Variants in FRMPD4 observed in about 807,000 individuals in gnomAD.
FRMPD4 encodes FERM and PDZ domain-containing protein 4.
In FRMPD4, 22 loss-of-function variants were observed where a neutral mutation model predicts 94.1. The observed-to-expected ratio is 0.23, with a 90% CI of 0.17 to 0.33. The LOEUF is 0.33. FRMPD4 is among the 10% of genes least tolerant of loss of function. The pLI is 1.00. For synonymous variants in FRMPD4, 631 were observed against 548.6 expected, an observed-to-expected ratio of 1.15 and a Z score of -2.10; for missense variants, 1,111 against 1,339.9, an observed-to-expected ratio of 0.83 and a Z score of 2.67.
chrX:12,298,478 T>A (rs1360632636), intron 1 of FRMPD4, among the ~76,000 whole-genome samples: 1 of 112,374 alleles, frequency 8.9e-6, no homozygotes, highest in Non-Finnish European at 1.9e-5. Flanking sequence ...CTAATAACTA[T>A]GTTGGGAAGT....
At chrX:12,237,642 C>T (rs2057085231) in intron 1 of FRMPD4, among the ~76,000 whole-genome samples, 1 of 111,936 alleles carries the variant, frequency 8.9e-6, no homozygotes, top group Non-Finnish European at 1.9e-5. Flanking sequence ...ACTCCTTTCT[C>T]TTTGATATTT....
intron 3 of FRMPD4, among the ~76,000 whole-genome samples, chrX:12,066,218 A>G (rs968822648): frequency 1.8e-5 from 2 of 112,157 alleles, no homozygotes; most frequent in African/African-American, 3.2e-5. Flanking sequence ...TAGGATGTCT[A>G]TTCAAGTCAT....
chrX:12,178,395 A>C (rs2056320021), intron 1 of FRMPD4, among the ~76,000 whole-genome samples: 1 of 112,199 alleles, frequency 8.9e-6, no homozygotes, highest in African/African-American at 3.2e-5. Context: ...CTTGCCCAGC[A>C]TTCAGGTCAT....
intron 1 of FRMPD4, among the ~76,000 whole-genome samples, chrX:12,371,710 A>T (rs2056165737): frequency 8.9e-6 from 1 of 111,832 alleles, no homozygotes; most frequent in African/African-American, 3.3e-5. Context: ...TGGCTGACAC[A>T]TGAGATTAAT....
At chrX:12,375,994 A>G (rs950820565) in intron 1 of FRMPD4, among the ~76,000 whole-genome samples, 8 of 111,979 alleles carry the variant, frequency 7.1e-5, no homozygotes, top group African/African-American at 2.6e-4. Context: ...GAAATGGGGA[A>G]ATGCATCCTG....
intron 2 of FRMPD4, among the ~76,000 whole-genome samples, chrX:12,545,925 AG>A (rs2058470052): frequency 8.9e-6 from 1 of 112,721 alleles, no homozygotes; most frequent in African/African-American, 3.2e-5. Context: ...TCTAATTATC[AG>A]TCAGTCAGTG....
chrX:12,545,026 G>T (rs1263075756), intron 2 of FRMPD4, among the ~76,000 whole-genome samples: 1 of 111,215 alleles, frequency 9.0e-6, no homozygotes, highest in Non-Finnish European at 1.9e-5. Context: ...AGATTGTCAG[G>T]CCCCACCCTG....
intron 3 of FRMPD4, among the ~76,000 whole-genome samples, chrX:12,130,115 AG>A (rs1209652326): frequency 9.2e-6 from 1 of 108,549 alleles, no homozygotes; most frequent in African/African-American, 3.3e-5. Flanking sequence ...AGAGAGAGAG[AG>A]AGAGAGAGAG....
At chrX:12,247,409 C>T (rs1378570998) in intron 1 of FRMPD4, among the ~76,000 whole-genome samples, 1 of 111,471 alleles carries the variant, frequency 9.0e-6, no homozygotes, top group Non-Finnish European at 1.9e-5. Context: ...CTCGGGAGTG[C>T]CCGAGCTCCA....
chrX:12,188,954 A>C (rs1313732775), intron 1 of FRMPD4, among the ~76,000 whole-genome samples: 1 of 112,050 alleles, frequency 8.9e-6, no homozygotes, highest in East Asian at 2.8e-4. Flanking sequence ...ATACCAGTGA[A>C]ATTGAAAACA....
chrX:12,111,510 G>A (rs2055361172), intron 3 of FRMPD4, among the ~76,000 whole-genome samples: 1 of 111,175 alleles, frequency 9.0e-6, no homozygotes, highest in Non-Finnish European at 1.9e-5. Flanking sequence ...ATAGGCATGG[G>A]CAAGGACTTC....
At chrX:12,584,789 A>G (rs1051105856) in intron 2 of FRMPD4, among the ~76,000 whole-genome samples, 1 of 112,375 alleles carries the variant, frequency 8.9e-6, no homozygotes, top group Non-Finnish European at 1.9e-5. Context: ...ATTTTAGTAT[A>G]CCCTATATTG....
intron 4 of FRMPD4, among the ~76,000 whole-genome samples, chrX:12,641,386 G>A (rs775211450): frequency 1.8e-5 from 2 of 111,389 alleles, no homozygotes; most frequent in African/African-American, 3.3e-5. Flanking sequence ...CTGGGCTCAC[G>A]TTCCCCCTCC....
intron 1 of FRMPD4, among the ~76,000 whole-genome samples, chrX:12,492,088 TACAAA>T (rs1197334489): frequency 2.7e-5 from 3 of 111,890 alleles, no homozygotes; most frequent in Non-Finnish European, 5.6e-5. Flanking sequence ...AAATGCACAG[TACAAA>T]ATTCAAATGT....
intron 2 of FRMPD4, among the ~76,000 whole-genome samples, chrX:12,514,348 G>C (rs1289215120): frequency 8.9e-6 from 1 of 111,840 alleles, no homozygotes; most frequent in African/African-American, 3.3e-5. Flanking sequence ...GATATTGGCT[G>C]TAGGTTTGTC....
At chrX:12,518,821 G>A (rs901508379) in intron 2 of FRMPD4, among the ~76,000 whole-genome samples, 18 of 104,725 alleles carry the variant, frequency 1.7e-4, no homozygotes, top group East Asian at 5.6e-4. Context: ...TTACGTGCGC[G>A]CGTGCACACA....
At chrX:12,025,231 T>C (rs1271086480) in intron 3 of FRMPD4, among the ~76,000 whole-genome samples, 1 of 109,257 alleles carries the variant, frequency 9.2e-6, no homozygotes, top group African/African-American at 3.3e-5. Flanking sequence ...TCCTGGAAGA[T>C]CTCACTTATT....
Position 12,166,548 on chromosome X carries a change from G to C in FRMPD4, c.41+27536G>C, listed in dbSNP as rs2056122104. On this transcript the variant is annotated intron_variant, in intron 1 of 16. Transcript: ENST00000675598. ...GTGTCTCTGCCAGGCTTTGGTATCA[G>C]GATGATGCTGGCCTCATAAAATGAA... Among the ~76,000 whole-genome samples the C allele has an allele frequency of 2.7e-5, 3 of 111,505 alleles. No homozygotes were observed. In the South Asian group the frequency reaches 1.1e-3, roughly 42 times the overall value.
chrX:12,662,751 G>C (rs1161075000), intron 4 of FRMPD4, among the ~76,000 whole-genome samples: 2 of 111,883 alleles, frequency 1.8e-5, no homozygotes, highest in African/African-American at 6.5e-5. Flanking sequence ...GGTATTTCTG[G>C]TTCCATATCC....
Sources: allele counts gnomAD v4.1 joint callset (sites outside exome capture counted in the v4.1 genomes callset), GRCh38; gene constraint gnomAD v4.1.1; transcripts MANE v1.5; gene names NCBI Gene and HGNC (gene_info 2026-07-23, HGNC 2026-07-21).